Variants in TAS1R1 observed in about 807,000 individuals in gnomAD.
The protein encoded by TAS1R1 is taste receptor type 1 member 1.
Under a neutral mutation model 45.8 loss-of-function variants are expected in TAS1R1, and 31 were observed. The ratio of observed to expected loss-of-function variants is 0.68; its 90% CI spans 0.51 to 0.91. TAS1R1 has a LOEUF of 0.91. TAS1R1 is among the 40% of genes least tolerant of loss of function. The probability of loss-of-function intolerance (pLI) is 0.00; values close to 1 mark genes in which losing one functional copy is unlikely to be tolerated. For missense variants in TAS1R1, 1,051 were observed against 1,063.9 expected, an observed-to-expected ratio of 0.99 and a Z score of 0.17; for synonymous variants, 437 against 448.4, an observed-to-expected ratio of 0.97 and a Z score of 0.32.
chr1:6,560,661 A>G (rs892573769), intron 1 of TAS1R1, among the ~76,000 whole-genome samples: 4 of 152,100 alleles, frequency 2.6e-5, no homozygotes, highest in African/African-American at 9.7e-5. Context: ...AGGGGGTGTC[A>G]TTGCCTTCTG....
At position 6,578,811 on chromosome 1, in the gene TAS1R1, G is replaced by A; in HGVS notation, c.1753G>A (p.Ala585Thr). Reference protein sequence around the residue: ...TLLLLLLLGTAGLFAWHLDTP... With the variant: ...TLLLLLLLGTTGLFAWHLDTP... ...GCTGCTGCTGCTGCTGCTTGGGACT[G>A]CTGGCCTGTTTGCCTGGCACCTAGA... Residue 585 changes from alanine (A) to threonine (T), a missense_variant, in exon 6 of 6, where the codon GCT (alanine) becomes ACT (threonine). By Grantham distance (58) the Ala-to-Thr change is moderately conservative. Coordinates refer to ENST00000333172, the MANE Select transcript of TAS1R1 (RefSeq NM_138697.4). 1 of 1,613,796 alleles carries A rather than the reference G, an allele frequency of 6.2e-7. No individual in the cohort carries two copies. The highest frequency in any genetic ancestry group is 8.5e-7 in the Non-Finnish European group (1 of 1,179,834).
At position 6,555,582 on chromosome 1, in the gene TAS1R1, A is replaced by G. The variant is rs1212993758; in HGVS notation, c.191+18A>G. The G allele has an allele frequency of 1.9e-6, 3 of 1,539,208 alleles. No homozygotes were observed. The highest frequency in any genetic ancestry group is 2.0e-5 in the Admixed American group (1 of 50,760). ...TGTGACAGGTGAGTGAGGGGCCAGC[A>G]GAGCCACACTTAGTGGGACCCCTGG... On this transcript the variant is annotated intron_variant, in intron 1 of 5. Coordinates refer to ENST00000333172, the MANE Select transcript of TAS1R1 (RefSeq NM_138697.4).
At chr1:6,560,619 C>G (rs1293963821) in intron 1 of TAS1R1, among the ~76,000 whole-genome samples, 2 of 152,130 alleles carry the variant, frequency 1.3e-5, no homozygotes, top group Non-Finnish European at 2.9e-5. Flanking sequence ...GGGTTGGGTC[C>G]CTAACATTCC....
At chr1:6,561,431 G>C (rs1639786193) in intron 1 of TAS1R1, among the ~76,000 whole-genome samples, 1 of 152,174 alleles carries the variant, frequency 6.6e-6, no homozygotes, top group Non-Finnish European at 1.5e-5. Flanking sequence ...TCTATCTGGG[G>C]CCGGGCACGG....
chr1:6,560,980 C>G (rs1157967745), intron 1 of TAS1R1, among the ~76,000 whole-genome samples: 10 of 68,044 alleles, frequency 1.5e-4, no homozygotes, highest in African/African-American at 5.8e-4. Context: ...TCGGAAGACT[C>G]TGTCTCAAAA....
intron 1 of TAS1R1, among the ~76,000 whole-genome samples, chr1:6,561,530 T>C (rs932212506): frequency 3.3e-5 from 5 of 152,116 alleles, no homozygotes; most frequent in African/African-American, 1.2e-4. Context: ...GCTAATATGG[T>C]GAAGCCCCAT....
rs969955522 is a variant in TAS1R1 at position 6,571,222 on chromosome 1, T to C, written c.498+7T>C. On this transcript the variant is annotated splice_region_variant and intron_variant, in intron 2 of 5. Coordinates refer to ENST00000333172, the MANE Select transcript of TAS1R1 (RefSeq NM_138697.4). ...CCCTTTCCTGGTGCCCATGGTAAGC[T>C]GGAGCCTCAGACCTTTGCCCATCTC... 1 of 1,553,994 alleles carries C rather than the reference T, an allele frequency of 6.4e-7. No individual in the cohort carries two copies.
At chr1:6,556,162 C>T (rs1466232723) in intron 1 of TAS1R1, among the ~76,000 whole-genome samples, 1 of 152,080 alleles carries the variant, frequency 6.6e-6, no homozygotes. Flanking sequence ...TGAGCCACCG[C>T]GCCCAGCCGC....
rs749752816 is a variant in TAS1R1 at position 6,578,682 on chromosome 1, G to A, written c.1624G>A (p.Glu542Lys). The part of the protein sequence containing the change: ...DLYRCQPCGK[E>K]EWAPEGSQTC... ...CTACAGATGCCAGCCTTGTGGGAAAGAAGAGTGGGCACCTGAGGGAAGCCA... is the reference window on the plus strand; with the variant it reads ...CTACAGATGCCAGCCTTGTGGGAAAAAAGAGTGGGCACCTGAGGGAAGCCA... Residue 542 changes from glutamate to lysine, a missense_variant, in exon 6 of 6, where the codon GAA (glutamate) becomes AAA (lysine). Transcript: ENST00000333172. The A allele has an allele frequency of 5.6e-6, 9 of 1,593,714 alleles. No individual in the cohort carries two copies. The highest frequency in any genetic ancestry group is 1.7e-4 in the Middle Eastern group (1 of 5,964).
chr1:6,576,591 T>C lies in TAS1R1; in HGVS notation c.1437T>C (p.Asn479=), dbSNP rs747845198. The C allele has an allele frequency of 3.7e-6, 6 of 1,614,018 alleles. No homozygotes were observed. In the Admixed American group the frequency reaches 5.0e-5, roughly 13 times the overall value. The part of the protein sequence containing the change: ...STWSPVQLNI[N]ETKIQWHGKD... ...GGTCTCCAGTTCAGCTAAACATAAA[T>C]GAGACCAAAATCCAGTGGCACGGAA... is the stretch of plus-strand genomic sequence containing the variant. Residue 479 remains asparagine, a synonymous_variant, in exon 4 of 6, where the codon AAT becomes AAC. Coordinates refer to ENST00000333172, the MANE Select transcript of TAS1R1 (RefSeq NM_138697.4).
chr1:6,573,572 C>T (rs1019486896), intron 2 of TAS1R1, among the ~76,000 whole-genome samples: 7 of 152,260 alleles, frequency 4.6e-5, no homozygotes, highest in African/African-American at 1.7e-4. Context: ...GGACTGGTTT[C>T]GTGGAAGACA....
intron 1 of TAS1R1, among the ~76,000 whole-genome samples, chr1:6,561,508 A>G (rs1639787544): frequency 6.6e-6 from 1 of 152,100 alleles, no homozygotes; most frequent in African/African-American, 2.4e-5. Flanking sequence ...TCAGGAGATC[A>G]AGACCATCCT....
intron 1 of TAS1R1, among the ~76,000 whole-genome samples, chr1:6,557,956 G>C (rs1316667863): frequency 6.6e-6 from 1 of 152,154 alleles, no homozygotes; most frequent in Non-Finnish European, 1.5e-5. Flanking sequence ...GGGGTGATAA[G>C]GCATATAGGC....
chr1:6,566,700 A>G (rs1339128019), intron 1 of TAS1R1, among the ~76,000 whole-genome samples: 4 of 152,162 alleles, frequency 2.6e-5, no homozygotes, highest in African/African-American at 9.7e-5. Context: ...GGTTCGCACC[A>G]TTCTCCTGCC....
chr1:6,577,096 C>T, intron 5 of TAS1R1, 26 bp downstream of exon 5: 1 of 1,613,912 alleles, frequency 6.2e-7, no homozygotes, highest in Non-Finnish European at 8.5e-7. Context: ...AGCAGGCGAG[C>T]TACCCAGCAC....
rs959933925 is a variant in TAS1R1, at chr1:6,576,525, T to C, written c.1371T>C (p.Asn457=). 7 of 1,614,134 alleles carry C rather than the reference T, an allele frequency of 4.3e-6. No individual in the cohort carries two copies. Among genetic ancestry groups the C allele is most frequent in the Non-Finnish European group, 5.1e-6 (6 of 1,180,050 alleles). Residue 457 remains asparagine (N), a synonymous_variant, in exon 4 of 6, where the codon AAT becomes AAC. Transcript: ENST00000333172. Reference sequence around the variant, plus strand: ...ATAACATAATTGCCTGGGACTGGAATGGACCCAAGTGGACCTTCACGGTCC... The same window carrying C: ...ATAACATAATTGCCTGGGACTGGAACGGACCCAAGTGGACCTTCACGGTCC... ...SSYNIIAWDW[N]GPKWTFTVLG... is the part of the protein sequence containing the mutation.
At chr1:6,563,390 A>G (rs1557802619) in intron 1 of TAS1R1, among the ~76,000 whole-genome samples, 1 of 152,182 alleles carries the variant, frequency 6.6e-6, no homozygotes, top group Non-Finnish European at 1.5e-5. Context: ...CATTACTTGT[A>G]TATTGGGTAA....
rs115719383 is a variant in TAS1R1, at chr1:6,574,558, A to G, written c.499-73A>G. On this transcript the variant is annotated intron_variant, in intron 2 of 5. Coordinates refer to ENST00000333172, the MANE Select transcript of TAS1R1 (RefSeq NM_138697.4). This position sits in a 1 kb window ranked among gnomAD's most constrained non-coding sequence, Gnocchi z 4.3. ...GGTCTCCCCGGCTCCCTGTATCCCCACACCCAGCACAGGGCCAGGCACTGG... is the reference window on the plus strand; with the variant it reads ...GGTCTCCCCGGCTCCCTGTATCCCCGCACCCAGCACAGGGCCAGGCACTGG... The G allele has an allele frequency of 1.2e-3, 1,887 of 1,520,610 alleles. 36 individuals are homozygous for G. The East Asian group carries it at 0.021, about 17-fold the overall frequency. 94.2% of individuals were successfully genotyped at this position (1,520,610 alleles called of 1,614,324 possible).
At chr1:6,557,321 C>T (rs751530622) in intron 1 of TAS1R1, among the ~76,000 whole-genome samples, 9 of 152,064 alleles carry the variant, frequency 5.9e-5, no homozygotes, top group Non-Finnish European at 8.8e-5. Context: ...GAGGCACGAA[C>T]CCTCCGTTGA....
Sources: gnomAD v4.1 joint callset for allele counts (sites outside exome capture counted in the v4.1 genomes callset) on GRCh38, gnomAD v4.1.1 for gene constraint, Gnocchi (gnomAD v3.1) non-coding constraint, MANE v1.5 for transcripts, NCBI Gene and HGNC (gene_info 2026-07-23, HGNC 2026-07-21) for gene names.